Variants in GABRG3 observed in about 807,000 individuals in gnomAD.
GABRG3 encodes the protein gamma-aminobutyric acid type A receptor subunit gamma3.
Under a neutral mutation model 48.8 loss-of-function variants are expected in GABRG3, and 25 were observed. The ratio of observed to expected loss-of-function variants is 0.51; its 90% CI spans 0.37 to 0.72. The LOEUF (loss-of-function observed/expected upper bound fraction) is 0.72. Among genes scored for constraint, GABRG3 ranks in the 30% least tolerant of loss-of-function variants. The pLI is 0.00. For missense variants in GABRG3, 394 were observed against 577.9 expected, an observed-to-expected ratio of 0.68 and a Z score of 3.26; for synonymous variants, 227 against 217.6, an observed-to-expected ratio of 1.04 and a Z score of -0.38.
At chr15:27,298,927 TC>T (rs1157324081) in intron 3 of GABRG3, among the ~76,000 whole-genome samples, 1 of 152,120 alleles carries the variant, frequency 6.6e-6, no homozygotes, top group Non-Finnish European at 1.5e-5. Context: ...AAAAATAAGT[TC>T]CTGTTCTGGG....
At chr15:27,515,090 TTG>T (rs1380479291) in intron 6 of GABRG3, among the ~76,000 whole-genome samples, 74 of 126,330 alleles carry the variant, frequency 5.9e-4, no homozygotes, top group Middle Eastern at 4.1e-3. Flanking sequence ...CTTAATTTTT[TTG>T]TTTTTTTTGA....
At chr15:27,305,618 CAT>C (rs1219612363) in intron 3 of GABRG3, among the ~76,000 whole-genome samples, 120 of 128,368 alleles carry the variant, frequency 9.3e-4, no homozygotes, top group African/African-American at 2.0e-3. Flanking sequence ...TATATATAAA[CAT>C]ATATATAATA....
chr15:27,028,266 G>A (rs1359018756), intron 3 of GABRG3, among the ~76,000 whole-genome samples: 1 of 152,084 alleles, frequency 6.6e-6, no homozygotes, highest in Admixed American at 6.6e-5. Flanking sequence ...GAGTGTGCTA[G>A]GTGGGATAAA....
At chr15:27,014,671 CTTGTT>C (rs1895746043) in intron 2 of GABRG3, among the ~76,000 whole-genome samples, 1 of 148,910 alleles carries the variant, frequency 6.7e-6, no homozygotes, top group Admixed American at 6.6e-5. Context: ...TGTGGTAAAA[CTTGTT>C]TTGTGGACTA....
At chr15:27,088,750 A>G (rs1353922284) in intron 3 of GABRG3, among the ~76,000 whole-genome samples, 1 of 152,146 alleles carries the variant, frequency 6.6e-6, no homozygotes, top group Non-Finnish European at 1.5e-5. Flanking sequence ...ACCGTCCCCA[A>G]AATCCAGTCA....
intron 6 of GABRG3, among the ~76,000 whole-genome samples, chr15:27,503,998 T>A (rs1890704080): frequency 6.6e-6 from 1 of 152,146 alleles, no homozygotes; most frequent in Non-Finnish European, 1.5e-5. Context: ...GAGCTTCCTT[T>A]GATTATTATT....
Position 27,480,628 on chromosome 15 carries a change from A to G in GABRG3, c.575-22A>G, listed in dbSNP as rs764293810. 1.1e-5 allele frequency: 18 copies of G among 1,583,124 alleles called. No individual in the cohort carries two copies. In the East Asian group the frequency reaches 2.9e-4, roughly 26 times the overall value. On this transcript the variant is annotated intron_variant, in intron 5 of 9. Coordinates refer to ENST00000615808, the MANE Select transcript of GABRG3 (RefSeq NM_033223.5). The stretch of plus-strand genomic sequence containing the variant: ...TTATAAATGTGTACCTTCAAGTGCT[A>G]ATGTTTGCTCTGTGTTTTTAGATGG...
chr15:27,022,517 A>G (rs538206800), intron 2 of GABRG3, among the ~76,000 whole-genome samples: 1 of 152,314 alleles, frequency 6.6e-6, no homozygotes, highest in Non-Finnish European at 1.5e-5. Context: ...ATCTTGTACT[A>G]TATTAAATGT....
At chr15:27,211,464 C>T (rs974259719) in intron 3 of GABRG3, among the ~76,000 whole-genome samples, 2 of 152,188 alleles carry the variant, frequency 1.3e-5, no homozygotes, top group Admixed American at 1.3e-4. Context: ...TTAAATACTT[C>T]TAAATCAGAT....
intron 3 of GABRG3, among the ~76,000 whole-genome samples, chr15:27,248,801 C>CAGAG (rs1282566859): frequency 3.3e-5 from 4 of 120,640 alleles, no homozygotes; most frequent in South Asian, 2.8e-4. Context: ...CACACACACA[C>CAGAG]ACAGAGAGAG....
intron 3 of GABRG3, among the ~76,000 whole-genome samples, chr15:27,088,245 C>CGGGGCGGGCGCAGGGGCGGGCGCG: frequency 9.3e-6 from 1 of 107,926 alleles, no homozygotes; most frequent in South Asian, 3.2e-4. Context: ...TGGGAGTGCT[C>CGGGGCGGGCGCAGGGGCGGGCGCG]GGGGCGGGCG....
In GABRG3 at chr15:27,089,651, CA is replaced by C. The variant is rs1171816019; in HGVS notation, c.270+62831del. Among the ~76,000 whole-genome samples, 3 of 152,180 alleles carry C rather than the reference CA, an allele frequency of 2.0e-5. No homozygotes were observed. The East Asian group carries it at 5.8e-4, about 29-fold the overall frequency. Reference sequence around the variant, plus strand: ...GGCTCTTGGATTGGAGACCCCCGAGCACAGGGCACAGTGGCAGATCATGCAG... The same window carrying C: ...GGCTCTTGGATTGGAGACCCCCGAGCCAGGGCACAGTGGCAGATCATGCAG... On this transcript the variant is annotated intron_variant, in intron 3 of 9. Coordinates refer to ENST00000615808, the MANE Select transcript of GABRG3 (RefSeq NM_033223.5).
At chr15:27,065,003 A>G (rs1896713332) in intron 3 of GABRG3, among the ~76,000 whole-genome samples, 1 of 152,156 alleles carries the variant, frequency 6.6e-6, no homozygotes, top group Non-Finnish European at 1.5e-5. Flanking sequence ...GTCACCAGTA[A>G]AGAGGCTGAC....
chr15:27,226,551 C>T (rs1460083743), intron 3 of GABRG3, among the ~76,000 whole-genome samples: 2 of 151,852 alleles, frequency 1.3e-5, no homozygotes, highest in South Asian at 2.1e-4. Flanking sequence ...CTCCTGCTCC[C>T]GGCCTGAGCC....
intron 5 of GABRG3, among the ~76,000 whole-genome samples, chr15:27,469,862 G>A (rs190696094): frequency 6.6e-6 from 1 of 152,262 alleles, no homozygotes; most frequent in East Asian, 1.9e-4. Flanking sequence ...ATCATAGGCA[G>A]CCCTGTATAA....
intron 3 of GABRG3, among the ~76,000 whole-genome samples, chr15:27,123,803 T>C (rs1897772021): frequency 6.6e-6 from 1 of 152,018 alleles, no homozygotes; most frequent in South Asian, 2.1e-4. Context: ...ATTGCTGCTG[T>C]GTACAGCAGG....
chr15:27,307,523 G>A (rs1464364519), intron 3 of GABRG3, among the ~76,000 whole-genome samples: 1 of 82,018 alleles, frequency 1.2e-5, no homozygotes, highest in East Asian at 2.8e-4. Context: ...AGGTTTATAG[G>A]TTTATATATT....
intron 5 of GABRG3, among the ~76,000 whole-genome samples, chr15:27,465,647 C>T (rs1889584790): frequency 6.6e-6 from 1 of 152,148 alleles, no homozygotes; most frequent in Non-Finnish European, 1.5e-5. Context: ...GCTCCAGGTC[C>T]CTGTGGCACT....
Position 27,202,656 on chromosome 15 carries a change from GCTT to G in GABRG3, c.271-124149_271-124147del, listed in dbSNP as rs1314391737. Among the ~76,000 whole-genome samples, 4 of 151,944 alleles carry G rather than the reference GCTT, an allele frequency of 2.6e-5. No individual in the cohort carries two copies. In the East Asian group the frequency reaches 7.8e-4, roughly 29 times the overall value. ...TTATTGCTTTATATTGCATTTTTTT[GCTT>G]CTTTCAGCATTATTTCTTACGTTAA... is the stretch of plus-strand genomic sequence containing the variant. On this transcript the variant is annotated intron_variant, in intron 3 of 9. Coordinates refer to ENST00000615808, the MANE Select transcript of GABRG3 (RefSeq NM_033223.5).
Sources: allele counts gnomAD v4.1 joint callset (sites outside exome capture counted in the v4.1 genomes callset), GRCh38; gene constraint gnomAD v4.1.1; transcripts MANE v1.5; gene names NCBI Gene and HGNC (gene_info 2026-07-23, HGNC 2026-07-21).